The following SLC71A2 variants were observed in gnomAD, a reference collection of about 807,000 sequenced individuals.
SLC71A2 encodes the protein hippocampus abundant transcript-like 1.
At chr9:94,404,388 C>T in the SLC71A2 span, among the ~76,000 whole-genome samples, 1 of 152,092 alleles carries the variant, frequency 6.6e-6, no homozygotes, top group South Asian at 2.1e-4. Context: ...CTCCGCCTCC[C>T]GGATTCAAGC....
chr9:94,442,688 T>A, the SLC71A2 span, among the ~76,000 whole-genome samples: 2 of 151,500 alleles, frequency 1.3e-5, no homozygotes, highest in Admixed American at 1.3e-4. Context: ...CCGTCTCTAC[T>A]AAAATACAAA....
At chr9:94,440,902 C>G in the SLC71A2 span, 1 of 780,258 alleles carries the variant, frequency 1.3e-6, no homozygotes, top group Admixed American at 2.3e-5. Context: ...GGTGCGTAAT[C>G]TTTACATGAT....
chr9:94,415,359 A>G, the SLC71A2 span: 141,131 of 809,604 alleles, frequency 0.17, 13,661 homozygotes, highest in Middle Eastern at 0.3. Flanking sequence ...AGCTCTTGAT[A>G]GTGATTTAAA....
At chr9:94,439,048 G>T in the SLC71A2 span, among the ~76,000 whole-genome samples, 1 of 103,610 alleles carries the variant, frequency 9.7e-6, no homozygotes, top group African/African-American at 3.6e-5. Context: ...TGGAGACGGA[G>T]TCTTGCCCTG....
the SLC71A2 span, among the ~76,000 whole-genome samples, chr9:94,452,678 C>CAT: frequency 1.0e-3 from 48 of 47,580 alleles, no homozygotes; most frequent in African/African-American, 2.3e-3. Flanking sequence ...CATATATATT[C>CAT]ATATATTCAT....
chr9:94,445,140 C>G, the SLC71A2 span: 1 of 1,614,026 alleles, frequency 6.2e-7, no homozygotes, highest in East Asian at 2.2e-5. Context: ...GACCGGTTTC[C>G]TGGGGAGCTC....
chr9:94,420,299 G>A, the SLC71A2 span, among the ~76,000 whole-genome samples: 2 of 152,102 alleles, frequency 1.3e-5, no homozygotes, highest in African/African-American at 4.8e-5. Context: ...CAAATCCAAC[G>A]AGTCCTCTCA....
At chr9:94,451,335 A>G in the SLC71A2 span, 3 of 480,508 alleles carry the variant, frequency 6.2e-6, no homozygotes, top group South Asian at 1.0e-4. Context: ...AGCTTTCAGC[A>G]TGTCTTAATT....
the SLC71A2 span, among the ~76,000 whole-genome samples, chr9:94,406,679 G>A: frequency 6.6e-6 from 1 of 152,170 alleles, no homozygotes; most frequent in Non-Finnish European, 1.5e-5. Context: ...AGCCCAATTT[G>A]AATTTTCTAA....
the SLC71A2 span, among the ~76,000 whole-genome samples, chr9:94,389,997 G>A: frequency 3.9e-5 from 6 of 152,100 alleles, no homozygotes; most frequent in Admixed American, 6.5e-5. Context: ...GGTGGATCAC[G>A]AGGTCAAGAG....
the SLC71A2 span, chr9:94,415,298 T>C: frequency 7.3e-7 from 1 of 1,377,514 alleles, no homozygotes; most frequent in Non-Finnish European, 1.0e-6. Context: ...GAGAAAGAGA[T>C]AAGTTCTTAG....
At chr9:94,378,688 A>G in the SLC71A2 span, among the ~76,000 whole-genome samples, 4 of 152,322 alleles carry the variant, frequency 2.6e-5, no homozygotes, top group African/African-American at 9.6e-5. Context: ...AGGACACCAA[A>G]CAATTGAGAA....
chr9:94,399,521 A>G, the SLC71A2 span, among the ~76,000 whole-genome samples: 1 of 152,192 alleles, frequency 6.6e-6, no homozygotes, highest in East Asian at 1.9e-4. Flanking sequence ...GCTCAACTCT[A>G]ATCCATGATT....
the SLC71A2 span, among the ~76,000 whole-genome samples, chr9:94,407,707 C>G: frequency 1.3e-5 from 2 of 151,816 alleles, no homozygotes; most frequent in Non-Finnish European, 2.9e-5. Flanking sequence ...CTTTGTCTGG[C>G]TTTTTTAGAG....
At chr9:94,438,963 T>C in the SLC71A2 span, among the ~76,000 whole-genome samples, 1 of 151,880 alleles carries the variant, frequency 6.6e-6, no homozygotes, top group Non-Finnish European at 1.5e-5. Context: ...GGAGTCACTT[T>C]AAAATATACC....
At chr9:94,405,709 T>G in the SLC71A2 span, among the ~76,000 whole-genome samples, 3 of 152,116 alleles carry the variant, frequency 2.0e-5, no homozygotes, top group Admixed American at 6.6e-5. Context: ...ATGTTTATAG[T>G]AAGTTCTGAA....
At chr9:94,460,330 GTCTTC>G in the SLC71A2 span, 1 of 152,586 alleles carries the variant, frequency 6.6e-6, no homozygotes, top group African/African-American at 2.4e-5. Context: ...TTCTTCCCAT[GTCTTC>G]CATGTCCTGC....
chr9:94,424,680 G>T, the SLC71A2 span, among the ~76,000 whole-genome samples: 1 of 147,792 alleles, frequency 6.8e-6, no homozygotes, highest in Non-Finnish European at 1.5e-5. Context: ...TATTATGATT[G>T]CATTGACTAT....
the SLC71A2 span, among the ~76,000 whole-genome samples, chr9:94,406,757 T>C: frequency 8.5e-5 from 13 of 152,308 alleles, no homozygotes; most frequent in East Asian, 2.5e-3. Context: ...TGATTTTGTA[T>C]CTTGTAACTT....
Sources: gnomAD v4.1 joint callset for allele counts (sites outside exome capture counted in the v4.1 genomes callset) on GRCh38, gnomAD v4.1.1 for gene constraint, MANE v1.5 for transcripts, NCBI Gene and HGNC (gene_info 2026-07-23, HGNC 2026-07-21) for gene names.